PPARGC1A: variants seen among roughly 807,000 people sequenced by gnomAD.
PPARGC1A encodes PPARG coactivator 1 alpha, also known as peroxisome proliferator-activated receptor gamma coactivator 1-alpha.
In PPARGC1A, 25 loss-of-function variants were observed where a neutral mutation model predicts 88.7. The observed-to-expected ratio is 0.28, with a 90% CI of 0.21 to 0.39. The LOEUF is 0.39. Ranked by LOEUF, PPARGC1A falls within the 10% of genes least tolerant of loss-of-function variation. The pLI is 1.00. For missense variants in PPARGC1A, 880 were observed against 968.7 expected, an observed-to-expected ratio of 0.91 and a Z score of 1.22; for synonymous variants, 363 against 355.6, an observed-to-expected ratio of 1.02 and a Z score of -0.24.
the PPARGC1A span, among the ~76,000 whole-genome samples, chr4:24,365,098 C>T: frequency 2.0e-5 from 3 of 151,470 alleles, no homozygotes; most frequent in South Asian, 4.2e-4. Context: ...AACCCTGGCC[C>T]TTCTCAGTAC....
At chr4:24,233,744 C>G in the PPARGC1A span, among the ~76,000 whole-genome samples, 6 of 151,748 alleles carry the variant, frequency 4.0e-5, no homozygotes, top group African/African-American at 1.2e-4. Context: ...CTTCAATGGT[C>G]ACACAGGTTA....
the PPARGC1A span, among the ~76,000 whole-genome samples, chr4:24,382,280 T>C: frequency 6.6e-6 from 1 of 152,212 alleles, no homozygotes; most frequent in African/African-American, 2.4e-5. Flanking sequence ...AATCATTTAA[T>C]TATAAATTAT....
the PPARGC1A span, among the ~76,000 whole-genome samples, chr4:24,375,830 C>T: frequency 6.6e-5 from 10 of 152,110 alleles, no homozygotes; most frequent in Non-Finnish European, 1.2e-4. Flanking sequence ...AAAAGCAGCC[C>T]TATAAAGAGA....
the PPARGC1A span, among the ~76,000 whole-genome samples, chr4:24,235,972 T>A: frequency 6.6e-6 from 1 of 152,190 alleles, no homozygotes; most frequent in East Asian, 1.9e-4. Flanking sequence ...CTATATGGAT[T>A]AACAATCTCA....
chr4:24,437,762 C>G, the PPARGC1A span, among the ~76,000 whole-genome samples: 1 of 151,938 alleles, frequency 6.6e-6, no homozygotes, highest in Admixed American at 6.6e-5. Context: ...CTCCACCTCC[C>G]AGGTTCAAGT....
At chr4:23,964,939 A>G in the PPARGC1A span, among the ~76,000 whole-genome samples, 1 of 152,264 alleles carries the variant, frequency 6.6e-6, no homozygotes, top group South Asian at 2.1e-4. Flanking sequence ...TTAGGATACC[A>G]CTTACAAACC....
the PPARGC1A span, among the ~76,000 whole-genome samples, chr4:24,264,458 G>C: frequency 1.3e-5 from 2 of 152,364 alleles, no homozygotes; most frequent in East Asian, 3.9e-4. Context: ...TGCATTTGCT[G>C]TGCTGAAGGG....
chr4:24,035,502 C>T, the PPARGC1A span, among the ~76,000 whole-genome samples: 2 of 151,762 alleles, frequency 1.3e-5, no homozygotes, highest in Admixed American at 6.6e-5. Flanking sequence ...GCCGAGATCG[C>T]GCCATCACAT....
chr4:24,443,254 GT>G, the PPARGC1A span, among the ~76,000 whole-genome samples: 99,524 of 145,000 alleles, frequency 0.69, 34,358 homozygotes, highest in Middle Eastern at 0.77. Context: ...AAATGTATGG[GT>G]TTTTTTTTTT....
At chr4:24,409,979 T>A in the PPARGC1A span, among the ~76,000 whole-genome samples, 1 of 152,146 alleles carries the variant, frequency 6.6e-6, no homozygotes, top group African/African-American at 2.4e-5. Context: ...ACCAAAGAGG[T>A]TAGCAAGCCA....
chr4:24,077,624 G>GGTGTGTGT, the PPARGC1A span, among the ~76,000 whole-genome samples: 284 of 130,954 alleles, frequency 2.2e-3, no homozygotes, highest in African/African-American at 5.2e-3. Flanking sequence ...TGTGTCTAGG[G>GGTGTGTGT]GTGTGTGTGT....
At chr4:24,274,014 C>T in the PPARGC1A span, among the ~76,000 whole-genome samples, 1 of 151,860 alleles carries the variant, frequency 6.6e-6, no homozygotes, top group Non-Finnish European at 1.5e-5. Flanking sequence ...GCTGGGATTA[C>T]AGGAGTGAGC....
the PPARGC1A span, among the ~76,000 whole-genome samples, chr4:24,346,776 C>A: frequency 6.6e-6 from 1 of 152,006 alleles, no homozygotes; most frequent in African/African-American, 2.4e-5. Context: ...TCATTTAGTT[C>A]TTCTTTGATG....
intron 2 of PPARGC1A, among the ~76,000 whole-genome samples, chr4:23,844,159 G>C (rs143700783): frequency 4.0e-5 from 6 of 149,750 alleles, no homozygotes; most frequent in African/African-American, 1.5e-4. Flanking sequence ...GGAGAATACA[G>C]TATACATATG....
chr4:24,119,387 G>A, the PPARGC1A span, among the ~76,000 whole-genome samples: 1 of 152,102 alleles, frequency 6.6e-6, no homozygotes, highest in Non-Finnish European at 1.5e-5. Context: ...GGTGTTAGAA[G>A]GCAGGAATTG....
chr4:24,438,222 G>A, the PPARGC1A span, among the ~76,000 whole-genome samples: 3 of 152,104 alleles, frequency 2.0e-5, no homozygotes, highest in African/African-American at 7.3e-5. Context: ...ATGATCCTTG[G>A]GTTTCACCTC....
the PPARGC1A span, among the ~76,000 whole-genome samples, chr4:24,433,555 C>T: frequency 6.6e-6 from 1 of 152,128 alleles, no homozygotes; most frequent in East Asian, 1.9e-4. Flanking sequence ...TTTCTACAGG[C>T]TTTGAGTTTA....
chr4:24,201,842 C>T, the PPARGC1A span, among the ~76,000 whole-genome samples: 1 of 151,912 alleles, frequency 6.6e-6, no homozygotes, highest in Non-Finnish European at 1.5e-5. Context: ...AATGTCATTG[C>T]CTATAGTTCT....
At chr4:24,037,737 A>C in the PPARGC1A span, among the ~76,000 whole-genome samples, 1 of 152,262 alleles carries the variant, frequency 6.6e-6, no homozygotes, top group Admixed American at 6.5e-5. Flanking sequence ...CGTCTTGCCA[A>C]ACCTCTTTGT....
Sources: allele counts gnomAD v4.1 joint callset (sites outside exome capture counted in the v4.1 genomes callset), GRCh38; gene constraint gnomAD v4.1.1; transcripts MANE v1.5; gene names NCBI Gene and HGNC (gene_info 2026-07-23, HGNC 2026-07-21).